The following AVEN variants were observed in gnomAD, a reference collection of about 807,000 sequenced individuals.
AVEN encodes cell death regulator Aven.
In AVEN, 41 loss-of-function variants were observed where a neutral mutation model predicts 38.1. The observed-to-expected ratio is 1.08, with a 90% CI of 0.84 to 1.40. AVEN has a LOEUF of 1.40. Ranked by LOEUF, AVEN falls within the 40% of genes most tolerant of loss-of-function variation. The pLI is 0.00. For synonymous variants in AVEN, 206 were observed against 171.8 expected (o/e 1.20, Z -1.56); for missense variants, 605 against 438.8 (o/e 1.38, Z -3.38).
At chr15:34,073,210 T>A (rs1481010358) in intron 1 of AVEN, among the ~76,000 whole-genome samples, 4 of 138,362 alleles carry the variant, frequency 2.9e-5, no homozygotes, top group African/African-American at 1.2e-4. Flanking sequence ...CCGGCTAATT[T>A]TTTTTTTTTT....
chr15:34,023,118 C>A (rs79477724), intron 1 of AVEN, among the ~76,000 whole-genome samples: 1 of 152,056 alleles, frequency 6.6e-6, no homozygotes, highest in Non-Finnish European at 1.5e-5. Context: ...CAGGCAGAGG[C>A]TGCAGTGAAC....
chr15:33,944,810 A>G (rs1317397972), intron 2 of AVEN, among the ~76,000 whole-genome samples: 2 of 145,272 alleles, frequency 1.4e-5, no homozygotes, highest in African/African-American at 2.5e-5. Flanking sequence ...CTCAGTCTCG[A>G]AAAAAAAAAA....
intron 2 of AVEN, among the ~76,000 whole-genome samples, chr15:33,998,580 T>C (rs1897024565): frequency 6.6e-6 from 1 of 152,236 alleles, no homozygotes; most frequent in African/African-American, 2.4e-5. Context: ...ACCTGCTGTC[T>C]CAAACATCTC....
rs548273046 is a variant in AVEN, at chr15:33,870,880, C to A, written c.612+55G>T. ...ATCCTGCTGAGGGAAGTGTTCCCCT[C>A]TTTTTCTCCTCCTGCCCTAATCCAC... On this transcript the variant is annotated intron_variant, in intron 4 of 5. Transcript: ENST00000306730. 1,715 of 1,351,564 alleles carry A rather than the reference C, an allele frequency of 1.3e-3. 17 individuals carry two copies. The South Asian group carries it at 0.014, about 11-fold the overall frequency. The allele number at this position is 1,351,564 out of a possible 1,614,324, so 83.7% of individuals were successfully genotyped here. A position where few individuals can be genotyped will look rare whatever the true frequency, so the allele number is the denominator to read the frequency against.
chr15:33,869,542 T>C (rs939267332), intron 4 of AVEN, among the ~76,000 whole-genome samples: 2 of 152,132 alleles, frequency 1.3e-5, no homozygotes, highest in African/African-American at 4.8e-5. Flanking sequence ...GAGCCACTAG[T>C]GCTCTCCCAA....
intron 2 of AVEN, among the ~76,000 whole-genome samples, chr15:33,876,309 C>T (rs1891227616): frequency 6.6e-6 from 1 of 152,220 alleles, no homozygotes; most frequent in South Asian, 2.1e-4. Context: ...CACTGGCTCA[C>T]ACCTGTAATC....
intron 2 of AVEN, among the ~76,000 whole-genome samples, chr15:33,946,827 A>G (rs1002895826): frequency 6.6e-6 from 1 of 152,204 alleles, no homozygotes; most frequent in Non-Finnish European, 1.5e-5. Context: ...AGGGCAGCAG[A>G]GAAGTCACAG....
intron 2 of AVEN, among the ~76,000 whole-genome samples, chr15:33,877,723 G>A (rs1300034739): frequency 6.6e-6 from 1 of 152,170 alleles, no homozygotes; most frequent in Admixed American, 6.5e-5. Flanking sequence ...GGCCGAGGCA[G>A]GCGGATCATG....
At chr15:33,899,460 CTTTTTTTTTTTTTT>C (rs533788693) in intron 2 of AVEN, among the ~76,000 whole-genome samples, 1 of 65,430 alleles carries the variant, frequency 1.5e-5, no homozygotes, top group African/African-American at 5.7e-5. Flanking sequence ...CAGGGAAAAC[CTTTTTTTTTTTTTT>C]TTTTTTTTTT....
intron 2 of AVEN, among the ~76,000 whole-genome samples, chr15:33,897,667 C>T (rs1405104054): frequency 6.6e-6 from 1 of 151,144 alleles, no homozygotes; most frequent in Non-Finnish European, 1.5e-5. Flanking sequence ...TGCTTGAGGC[C>T]AAAAGTTCAA....
intron 1 of AVEN, among the ~76,000 whole-genome samples, chr15:34,025,760 G>GTGTGTGTGTGTT (rs11271927): frequency 0.15 from 22,343 of 151,650 alleles, 2,058 homozygotes; most frequent in Middle Eastern, 0.27. Flanking sequence ...GGTTTTGCGT[G>GTGTGTGTGTGTT]TGTGTGTGTG....
At chr15:34,028,257 C>T (rs913529310) in intron 1 of AVEN, among the ~76,000 whole-genome samples, 5 of 152,164 alleles carry the variant, frequency 3.3e-5, no homozygotes, top group Non-Finnish European at 5.9e-5. Flanking sequence ...TAGTTTGCAT[C>T]TGACCTACAC....
At chr15:33,928,094 A>T (rs968915736) in intron 2 of AVEN, among the ~76,000 whole-genome samples, 16 of 152,344 alleles carry the variant, frequency 1.1e-4, no homozygotes, top group African/African-American at 3.6e-4. Context: ...CCACGTGGGT[A>T]AAACTGTAGG....
chr15:33,876,214 G>A (rs1340652382), intron 2 of AVEN, among the ~76,000 whole-genome samples: 1 of 151,984 alleles, frequency 6.6e-6, no homozygotes, highest in Non-Finnish European at 1.5e-5. Flanking sequence ...AAGGCAAAAG[G>A]ACCAAGAAAA....
chr15:33,998,562 T>A (rs1266774315), intron 2 of AVEN, among the ~76,000 whole-genome samples: 2 of 152,220 alleles, frequency 1.3e-5, no homozygotes, highest in African/African-American at 4.8e-5. Flanking sequence ...TAAAATTAAG[T>A]CATTTATACC....
chr15:34,043,534 G>A (rs1054495141), upstream of AVEN, among the ~76,000 whole-genome samples: 1 of 152,168 alleles, frequency 6.6e-6, no homozygotes. Flanking sequence ...TACTGAGGGT[G>A]CTCACCAGCT....
At chr15:33,897,508 G>A (rs912736542) in intron 2 of AVEN, among the ~76,000 whole-genome samples, 12 of 151,982 alleles carry the variant, frequency 7.9e-5, no homozygotes, top group East Asian at 2.0e-4. Flanking sequence ...GACCTCAGGC[G>A]ATCTGCCTGC....
intron 2 of AVEN, among the ~76,000 whole-genome samples, chr15:33,888,640 CCAAT>C (rs1342222005): frequency 2.0e-5 from 3 of 151,992 alleles, no homozygotes; most frequent in African/African-American, 4.8e-5. Context: ...CAATGTAACT[CCAAT>C]CAAATTATTG....
At chr15:33,855,053 T>C, downstream of AVEN, 1 of 863,672 alleles carries the variant, frequency 1.2e-6, no homozygotes, top group Non-Finnish European at 1.6e-6. Flanking sequence ...CTTCAACTAA[T>C]GGTGATTGTT....
Sources: allele counts gnomAD v4.1 joint callset (sites outside exome capture counted in the v4.1 genomes callset), GRCh38; gene constraint gnomAD v4.1.1; transcripts MANE v1.5; gene names NCBI Gene and HGNC (gene_info 2026-07-23, HGNC 2026-07-21).